The following VPS13D variants were observed in gnomAD, a reference collection of about 807,000 sequenced individuals.
VPS13D encodes intermembrane lipid transfer protein VPS13D.
In VPS13D, 187 loss-of-function variants were observed where a neutral mutation model predicts 461.9. The observed-to-expected ratio is 0.40, with a 90% confidence interval of 0.36 to 0.46. VPS13D has a LOEUF of 0.46. VPS13D is among the 20% of genes least tolerant of loss of function. The pLI is 0.60. For synonymous variants in VPS13D, 1,951 were observed against 1,986.3 expected (o/e 0.98, Z 0.47); for missense variants, 4,711 against 5,364.9 (o/e 0.88, Z 3.81).
At chr1:12,497,707 C>G in intron 68 of VPS13D, 76 bp downstream of exon 68, 5 of 1,511,738 alleles carry the variant, frequency 3.3e-6, no homozygotes, top group East Asian at 2.3e-5. Context: ...AAGTCTCCAT[C>G]TGATCTGAGT....
chr1:12,329,990 G>A (rs1458888385), intron 37 of VPS13D, 72 bp downstream of exon 37: 4 of 583,542 alleles, frequency 6.9e-6, no homozygotes, highest in Middle Eastern at 3.1e-4. Flanking sequence ...CTATTGCTAC[G>A]TAAATTTTAC....
chr1:12,350,671 G>A (rs915176747), intron 46 of VPS13D, among the ~76,000 whole-genome samples: 9 of 152,098 alleles, frequency 5.9e-5, no homozygotes, highest in African/African-American at 2.2e-4. Flanking sequence ...TCAGAAGTTA[G>A]TTAAAGAACA....
intron 63 of VPS13D, among the ~76,000 whole-genome samples, chr1:12,404,812 G>C (rs1644629267): frequency 6.6e-6 from 1 of 152,190 alleles, no homozygotes; most frequent in Admixed American, 6.5e-5. Context: ...ATAGGAGCAG[G>C]AGTGGATCCA....
At chr1:12,392,761 G>A (rs1344921169) in intron 60 of VPS13D, among the ~76,000 whole-genome samples, 1 of 152,100 alleles carries the variant, frequency 6.6e-6, no homozygotes, top group Non-Finnish European at 1.5e-5. Context: ...ATGGGGGCCT[G>A]CCAAAGGCTC....
rs746614732 is a variant in VPS13D at position 12,349,381 on chromosome 1, A to G, written c.9431+7A>G. 4 of 1,613,844 alleles carry G rather than the reference A, an allele frequency of 2.5e-6. No homozygotes were observed. In the South Asian group the frequency reaches 3.3e-5, roughly 13 times the overall value. On this transcript the variant is annotated splice_region_variant and intron_variant, in intron 46 of 69. Transcript: ENST00000620676. ...AAAAAAGCCGATTTTTCAGGTATGT[A>G]GCACCACTGCAGTGACATGTCACTT...
At chr1:12,438,127 G>A (rs564121841) in intron 65 of VPS13D, among the ~76,000 whole-genome samples, 42 of 152,256 alleles carry the variant, frequency 2.8e-4, no homozygotes, top group Non-Finnish European at 5.0e-4. Context: ...TCAGTAAACT[G>A]AGTCTCTGTT....
At chr1:12,341,627 G>A (rs562364892) in intron 40 of VPS13D, among the ~76,000 whole-genome samples, 153 bp from the exon 41 acceptor site, 4 of 152,288 alleles carry the variant, frequency 2.6e-5, no homozygotes, top group East Asian at 1.9e-4. Context: ...CAGCAAATAC[G>A]TGGAGCTTCC....
At chr1:12,258,300 G>A (rs1284512717) in intron 10 of VPS13D, among the ~76,000 whole-genome samples, 197 bp downstream of exon 10, 2 of 152,110 alleles carry the variant, frequency 1.3e-5, no homozygotes, top group Non-Finnish European at 2.9e-5. Flanking sequence ...GAGGAGAGCC[G>A]GGCCATGGGG....
chr1:12,348,887 T>G lies in VPS13D; in HGVS notation c.9134T>G (p.Val3045Gly). 1 of 1,614,206 alleles carries G rather than the reference T, an allele frequency of 6.2e-7. No homozygotes were observed. Among genetic ancestry groups the G allele is most frequent in the Non-Finnish European group, 8.5e-7 (1 of 1,180,030 alleles). Residue 3045 changes from valine to glycine, a missense_variant, in exon 45 of 70, where the codon GTC becomes GGC. Val to Gly is a moderately radical substitution (Grantham distance 109). This residue lies in a region of VPS13D where 4,411 missense variants were observed against 4,937.8 expected (regional missense o/e 0.89). Coordinates refer to ENST00000620676, the MANE Select transcript of VPS13D (RefSeq NM_015378.4). ...ACTATGGAAGGCAGTGCACGGAAAGTCATCACTGTCCGGTCAGCCCTCATT... is the reference window on the plus strand; with the variant it reads ...ACTATGGAAGGCAGTGCACGGAAAGGCATCACTGTCCGGTCAGCCCTCATT... ...AVTMEGSARK[V>G]ITVRSALIVR...
chr1:12,416,969 A>C (rs1570130550), intron 65 of VPS13D, 142 bp downstream of exon 65: 2 of 806,700 alleles, frequency 2.5e-6, no homozygotes, highest in South Asian at 2.3e-5. Flanking sequence ...CCTTTTCCTC[A>C]CCTCCAGTCA....
chr1:12,455,811 C>G (rs1382734259), intron 65 of VPS13D, among the ~76,000 whole-genome samples, 187 bp from the exon 66 acceptor site: 2 of 151,974 alleles, frequency 1.3e-5, no homozygotes, highest in African/African-American at 4.8e-5. Flanking sequence ...CTCAGCTACT[C>G]GGGAGCCTGA....
rs1240099332 is a variant in VPS13D at position 12,327,677 on chromosome 1, T to C, written c.8020T>C (p.Phe2674Leu). The change falls in exon 36 of 70, where the codon TTT becomes CTT. Residue 2674 changes from phenylalanine to leucine, a missense_variant. By Grantham distance (22) the Phe-to-Leu change is conservative. Around this residue, in one of 3 missense-constraint regions of VPS13D, gnomAD observed 4,411 missense variants for 4,937.8 expected, o/e 0.89. Coordinates refer to ENST00000620676, the MANE Select transcript of VPS13D (RefSeq NM_015378.4). ...GQLKKAASWL[F>L]KNAEPLKSLS... is the part of the protein sequence containing the mutation. ...ATTGAAAAAGGCAGCAAGTTGGTTG[T>C]TTAAGAATGCGGAACCTCTGAAGTC... The C allele has an allele frequency of 4.3e-6, 7 of 1,614,112 alleles. No homozygotes were observed. The East Asian group carries it at 1.1e-4, about 26-fold the overall frequency.
intron 2 of VPS13D, among the ~76,000 whole-genome samples, chr1:12,237,742 G>A (rs1353429310): frequency 1.3e-5 from 2 of 151,382 alleles, no homozygotes; most frequent in Non-Finnish European, 1.5e-5. Flanking sequence ...TGGGAGGATC[G>A]CTTGAGCCCA....
chr1:12,242,081 AAGG>A (rs1352374938), intron 2 of VPS13D, among the ~76,000 whole-genome samples: 3 of 152,198 alleles, frequency 2.0e-5, no homozygotes. Context: ...TAAAAAAAAA[AAGG>A]AGAATACGCA....
chr1:12,457,586 A>G (rs1645346660), intron 66 of VPS13D, among the ~76,000 whole-genome samples: 1 of 152,234 alleles, frequency 6.6e-6, no homozygotes, highest in Non-Finnish European at 1.5e-5. Flanking sequence ...AACCATCCAA[A>G]GCTATCAGAG....
At chr1:12,238,797 G>A (rs1360503160) in intron 2 of VPS13D, among the ~76,000 whole-genome samples, 2 of 151,860 alleles carry the variant, frequency 1.3e-5, no homozygotes, top group Admixed American at 1.3e-4. Flanking sequence ...TACCATACCT[G>A]GGTGATTTTT....
At chr1:12,352,900 G>C (rs1481215243) in intron 46 of VPS13D, among the ~76,000 whole-genome samples, 1 of 138,752 alleles carries the variant, frequency 7.2e-6, no homozygotes, top group Non-Finnish European at 1.5e-5. Flanking sequence ...AGGAGGCAGA[G>C]GTTGCAGTGA....
chr1:12,408,508 T>G (rs1226166319), intron 63 of VPS13D, among the ~76,000 whole-genome samples: 1 of 152,058 alleles, frequency 6.6e-6, no homozygotes, highest in East Asian at 1.9e-4. Flanking sequence ...GGATTATAGG[T>G]GCGTGCCACC....
intron 61 of VPS13D, 36 bp downstream of exon 61, chr1:12,400,366 T>C: frequency 6.2e-7 from 1 of 1,608,538 alleles, no homozygotes; most frequent in Non-Finnish European, 8.5e-7. Flanking sequence ...GTTGATGCCA[T>C]GCTGGAACGT....
Sources: gnomAD v4.1 joint callset for allele counts (sites outside exome capture counted in the v4.1 genomes callset) on GRCh38, gnomAD v4.1.1 for gene constraint, gnomAD v4.1.1 regional missense constraint, MANE v1.5 for transcripts, NCBI Gene and HGNC (gene_info 2026-07-23, HGNC 2026-07-21) for gene names.